The following STK32B variants were observed in gnomAD, a reference collection of about 807,000 sequenced individuals.
The protein encoded by STK32B is serine/threonine kinase 32B.
In STK32B, 43 loss-of-function variants were observed where a neutral mutation model predicts 52.6. The ratio of observed to expected loss-of-function variants is 0.82; its 90% CI spans 0.64 to 1.05. The LOEUF (loss-of-function observed/expected upper bound fraction) is 1.05, where lower values mean the gene tolerates loss of function less well. Among genes scored for constraint, STK32B ranks in the 50% least tolerant of loss-of-function variants. The probability of loss-of-function intolerance (pLI) is 0.00; values close to 1 mark genes in which losing one functional copy is unlikely to be tolerated. For synonymous variants in STK32B, 238 were observed against 204.3 expected (o/e 1.17, Z -1.41); for missense variants, 621 against 534.6 (o/e 1.16, Z -1.59).
Position 5,466,751 on chromosome 4 carries a change from C to G in STK32B, c.958C>G (p.Leu320Val). ...CACATTTGAGCTTGAAGAGATGATT[C>G]TAGAATCCAAGCCACTTCACAAAAA... ...DPTFELEEMI[L>V]ESKPLHKKKK... Residue 320 changes from leucine (L) to valine (V), a missense_variant, in exon 10 of 12, where the codon CTA (leucine) becomes GTA (valine). Coordinates refer to ENST00000282908, the MANE Select transcript of STK32B (RefSeq NM_018401.3). 1.2e-6 allele frequency: 2 copies of G among 1,614,010 alleles called. No homozygotes were observed. The highest frequency in any genetic ancestry group is 1.7e-6 in the Non-Finnish European group (2 of 1,179,968).
intron 5 of STK32B, among the ~76,000 whole-genome samples, chr4:5,411,784 C>A (rs1215975705): frequency 6.6e-6 from 1 of 152,100 alleles, no homozygotes; most frequent in East Asian, 1.9e-4. Flanking sequence ...GCACCCTGAT[C>A]TCAGACTACT....
At chr4:5,275,813 T>A (rs1727778266) in intron 3 of STK32B, among the ~76,000 whole-genome samples, 1 of 151,750 alleles carries the variant, frequency 6.6e-6, no homozygotes, top group African/African-American at 2.4e-5. Context: ...AGGTCACTGG[T>A]GGGGTGAGGA....
At chr4:5,120,849 A>G (rs1034981016) in intron 1 of STK32B, among the ~76,000 whole-genome samples, 6 of 151,404 alleles carry the variant, frequency 4.0e-5, no homozygotes, top group African/African-American at 1.2e-4. Context: ...TCTATATATT[A>G]TAAAATAATA....
chr4:5,282,000 A>G (rs935359259), intron 3 of STK32B, among the ~76,000 whole-genome samples: 2 of 152,304 alleles, frequency 1.3e-5, no homozygotes, highest in South Asian at 2.1e-4. Flanking sequence ...ATAATTACAT[A>G]TGCTTATGGG....
chr4:5,468,171 G>A (rs1335469790), intron 11 of STK32B, 101 bp downstream of exon 11: 4 of 1,220,740 alleles, frequency 3.3e-6, no homozygotes, highest in South Asian at 2.5e-5. Flanking sequence ...CGGCCTTGAC[G>A]ACAAAAGGGA....
In STK32B at chr4:5,051,763, A is replaced by T; in HGVS notation, c.-101A>T. ...GGCTCCGCGCGCGGCTACAACCCGG[A>T]CTGGGCGCGCCCCCGGCATCCCGCA... On this transcript the variant is annotated 5_prime_UTR_variant, in exon 1 of 12. Coordinates refer to ENST00000282908, the MANE Select transcript of STK32B (RefSeq NM_018401.3). 1.3e-6 allele frequency: 2 copies of T among 1,508,834 alleles called. No homozygotes were observed. The highest frequency in any genetic ancestry group is 1.3e-5 in the South Asian group (1 of 79,150). 93.5% of individuals were successfully genotyped at this position (1,508,834 alleles called of 1,614,324 possible).
the STK32B span, among the ~76,000 whole-genome samples, chr4:5,041,393 G>A: frequency 3.3e-5 from 5 of 152,272 alleles, no homozygotes; most frequent in South Asian, 2.1e-4. Flanking sequence ...TGGCAGCTAC[G>A]GAGCCTTCCT....
intron 3 of STK32B, among the ~76,000 whole-genome samples, chr4:5,238,428 T>C (rs1215573965): frequency 2.0e-5 from 3 of 152,148 alleles, no homozygotes; most frequent in African/African-American, 7.2e-5. Flanking sequence ...CCCACCCTAA[T>C]TCAGAATGAT....
intron 1 of STK32B, among the ~76,000 whole-genome samples, chr4:5,116,942 A>G (rs1006639907): frequency 6.6e-6 from 1 of 152,006 alleles, no homozygotes; most frequent in Non-Finnish European, 1.5e-5. Context: ...TCTTTTTTGG[A>G]TAGTTCCTTG....
chr4:5,136,520 A>C (rs1716088930), intron 1 of STK32B, among the ~76,000 whole-genome samples: 1 of 152,314 alleles, frequency 6.6e-6, no homozygotes, highest in South Asian at 2.1e-4. Context: ...CAAGGGTGCC[A>C]AACTGGTTTT....
At chr4:5,498,161 A>T (rs1720449612) in intron 11 of STK32B, among the ~76,000 whole-genome samples, 1 of 152,178 alleles carries the variant, frequency 6.6e-6, no homozygotes, top group Non-Finnish European at 1.5e-5. Context: ...CTGCTCTAAA[A>T]ATTCTCACTG....
At chr4:5,036,793 A>G in the STK32B span, among the ~76,000 whole-genome samples, 1 of 149,040 alleles carries the variant, frequency 6.7e-6, no homozygotes, top group African/African-American at 2.5e-5. Context: ...TCAGCCTCCC[A>G]AGTAGCTGAG....
chr4:5,422,118 T>C (rs1177376412), intron 6 of STK32B, among the ~76,000 whole-genome samples: 1 of 152,230 alleles, frequency 6.6e-6, no homozygotes, highest in African/African-American at 2.4e-5. Context: ...CCTGACTTAA[T>C]GGCCAAATGT....
intron 5 of STK32B, among the ~76,000 whole-genome samples, chr4:5,403,360 G>T (rs942746105): frequency 6.6e-6 from 1 of 152,164 alleles, no homozygotes; most frequent in Non-Finnish European, 1.5e-5. Flanking sequence ...TCAATCATAA[G>T]TCTGCTAACC....
chr4:5,224,993 C>T (rs573162996), intron 3 of STK32B, among the ~76,000 whole-genome samples: 14 of 152,118 alleles, frequency 9.2e-5, no homozygotes, highest in Middle Eastern at 3.4e-3. Context: ...TTCATGCAGA[C>T]GTGAAATAGG....
intron 4 of STK32B, among the ~76,000 whole-genome samples, chr4:5,333,674 C>A (rs1732427567): frequency 6.6e-6 from 1 of 152,134 alleles, no homozygotes; most frequent in Non-Finnish European, 1.5e-5. Flanking sequence ...GGAAGGGATC[C>A]AGTTTCAGCT....
chr4:5,249,448 TTCC>T (rs1725736510), intron 3 of STK32B, among the ~76,000 whole-genome samples: 1 of 35,912 alleles, frequency 2.8e-5, no homozygotes, highest in Non-Finnish European at 4.9e-5. Context: ...CCTACCTTCC[TTCC>T]TTCCTTCCTT....
intron 3 of STK32B, among the ~76,000 whole-genome samples, chr4:5,234,437 A>G (rs1004220996): frequency 1.3e-5 from 2 of 152,194 alleles, no homozygotes; most frequent in African/African-American, 2.4e-5. Flanking sequence ...AGTAACCTTC[A>G]TGAGGATGGA....
At chr4:5,260,198 A>G (rs564601126) in intron 3 of STK32B, among the ~76,000 whole-genome samples, 1 of 152,306 alleles carries the variant, frequency 6.6e-6, no homozygotes, top group African/African-American at 2.4e-5. Context: ...AAGCTGCCAA[A>G]TGCTTCATGC....
Sources: allele counts gnomAD v4.1 joint callset (sites outside exome capture counted in the v4.1 genomes callset), GRCh38; gene constraint gnomAD v4.1.1; transcripts MANE v1.5; gene names NCBI Gene and HGNC (gene_info 2026-07-23, HGNC 2026-07-21).